BBOF1: variants seen among roughly 807,000 people sequenced by gnomAD.
The protein encoded by BBOF1 is basal body orientation factor 1, also known as basal body-orientation factor 1.
In BBOF1, 62 loss-of-function variants were observed where a neutral mutation model predicts 68.0. The ratio of observed to expected loss-of-function variants is 0.91; its 90% CI spans 0.74 to 1.13. The LOEUF is 1.13. Among genes scored for constraint, BBOF1 ranks in the 50% most tolerant of loss-of-function variants. BBOF1 has a pLI of 0.00. For missense variants in BBOF1, 534 were observed against 600.1 expected (o/e 0.89, Z 1.15); for synonymous variants, 208 against 198.8 (o/e 1.05, Z -0.39).
intron 3 of BBOF1, among the ~76,000 whole-genome samples, chr14:74,033,533 A>G (rs1204506090): frequency 2.6e-5 from 4 of 151,952 alleles, no homozygotes; most frequent in Admixed American, 6.6e-5. Context: ...TCACGCCACT[A>G]CACTCCAGCC....
At chr14:74,056,380 T>G (rs543422247) in intron 9 of BBOF1, among the ~76,000 whole-genome samples, 2 of 151,892 alleles carry the variant, frequency 1.3e-5, no homozygotes, top group South Asian at 4.2e-4. Context: ...TGTATTTTTT[T>G]GTAGAGATGG....
chr14:74,055,106 T>C lies in BBOF1; in HGVS notation c.1287-478T>C, dbSNP rs147409089. ...AGTATATTGTTGTCCTTATCAACTT[T>C]ATGATTTTGTGATGGATAGTTTGCT... On this transcript the variant is annotated intron_variant, in intron 8 of 11. Coordinates refer to ENST00000394009, the MANE Select transcript of BBOF1 (RefSeq NM_025057.3). The C allele has an allele frequency of 3.9e-3, 610 of 156,856 alleles. 5 individuals are homozygous for C. The highest frequency in any genetic ancestry group is 0.013 in the Middle Eastern group (4 of 310). 9.7% of individuals were successfully genotyped at this position (156,856 alleles called of 1,614,324 possible). A position where few individuals can be genotyped will look rare whatever the true frequency, so the allele number is the denominator to read the frequency against.
chr14:74,064,297 C>CA (rs368051564), intron 11 of BBOF1, among the ~76,000 whole-genome samples: 21,732 of 126,730 alleles, frequency 0.17, 2,338 homozygotes, highest in African/African-American at 0.3. Flanking sequence ...GACTGTGTCT[C>CA]AAAAAAAAAA....
intron 9 of BBOF1, chr14:74,072,253 T>C (rs779765203): frequency 1.2e-6 from 2 of 1,614,118 alleles, no homozygotes; most frequent in African/African-American, 2.7e-5. Flanking sequence ...TGCTGGCGGC[T>C]TAATACTGAA....
intron 10 of BBOF1, among the ~76,000 whole-genome samples, chr14:74,079,577 C>T (rs1270687927): frequency 6.6e-6 from 1 of 151,968 alleles, no homozygotes; most frequent in Non-Finnish European, 1.5e-5. Context: ...GGACTACAGG[C>T]GCCCGCCACC....
At chr14:74,037,580 A>G (rs2059736545) in intron 4 of BBOF1, among the ~76,000 whole-genome samples, 1 of 150,450 alleles carries the variant, frequency 6.6e-6, no homozygotes, top group African/African-American at 2.4e-5. Flanking sequence ...ATGAGCCACC[A>G]TGCCCAGCCA....
At position 74,040,591 on chromosome 14, in the gene BBOF1, G is replaced by A; in HGVS notation, c.522G>A (p.Glu174=). The A allele has an allele frequency of 6.3e-7, 1 of 1,593,826 alleles. No homozygotes were observed. Residue 174 remains glutamate, a synonymous_variant, in exon 5 of 12, where the codon GAG becomes GAA. Transcript: ENST00000394009. ...DDLKENLRNT[E]RIHQETLRRL... ...TGAAAGAGAATTTAAGAAACACAGA[G>A]CGGATACATCAGGAGACTCTTAGAA...
chr14:74,030,340 C>T (rs2059536433), intron 3 of BBOF1, among the ~76,000 whole-genome samples: 2 of 151,918 alleles, frequency 1.3e-5, no homozygotes, highest in African/African-American at 4.8e-5. Flanking sequence ...AGGCATACAC[C>T]ACCACACCTG....
chr14:74,033,058 G>A (rs2059613441), intron 3 of BBOF1, among the ~76,000 whole-genome samples: 1 of 151,124 alleles, frequency 6.6e-6, no homozygotes, highest in Non-Finnish European at 1.5e-5. Flanking sequence ...CTCTTTATTA[G>A]GGATATTTAC....
At chr14:74,028,509 C>T (rs202073645) in intron 2 of BBOF1, among the ~76,000 whole-genome samples, 3,260 of 95,982 alleles carry the variant, frequency 0.034, 81 homozygotes, top group South Asian at 0.14. Context: ...CACACACACA[C>T]ACAAATAGAG....
At position 74,056,735 on chromosome 14, in the gene BBOF1, T is replaced by C; in HGVS notation, c.1389-171T>C. 6 of 579,800 alleles carry C rather than the reference T, an allele frequency of 1.0e-5. No homozygotes were observed. The South Asian group carries it at 1.3e-4, about 12-fold the overall frequency. 35.9% of individuals were successfully genotyped at this position (579,800 alleles called of 1,614,324 possible). ...TACTTCATTCTCTATGATGTGATTATTTCACATTGCATGCCTGTATCAAAA... is the reference window on the plus strand; with the variant it reads ...TACTTCATTCTCTATGATGTGATTACTTCACATTGCATGCCTGTATCAAAA... On this transcript the variant is annotated intron_variant, in intron 9 of 11. Coordinates refer to ENST00000394009, the MANE Select transcript of BBOF1 (RefSeq NM_025057.3).
chr14:74,056,034 A>ATT (rs202158412), intron 9 of BBOF1, among the ~76,000 whole-genome samples: 1 of 144,238 alleles, frequency 6.9e-6, no homozygotes, highest in Non-Finnish European at 1.5e-5. Flanking sequence ...AAAGATAAGT[A>ATT]TTTTTTTTTT....
chr14:74,025,556 T>A (rs1379260814), intron 2 of BBOF1, among the ~76,000 whole-genome samples: 2 of 152,194 alleles, frequency 1.3e-5, no homozygotes, highest in Admixed American at 6.6e-5. Flanking sequence ...AATTAGGAGA[T>A]TCCCCTTAAG....
chr14:74,043,722 AG>A (rs2059885685), intron 5 of BBOF1, among the ~76,000 whole-genome samples: 1 of 150,370 alleles, frequency 6.7e-6, no homozygotes, highest in Non-Finnish European at 1.5e-5. Flanking sequence ...TAGTAGAGAC[AG>A]GGTTTCACCA....
intron 12 of BBOF1, among the ~76,000 whole-genome samples, chr14:74,082,636 G>A (rs2139824483): frequency 6.6e-6 from 1 of 152,168 alleles, no homozygotes; most frequent in African/African-American, 2.4e-5. Flanking sequence ...CTGACCTCAG[G>A]TGATCCACCC....
intron 3 of BBOF1, among the ~76,000 whole-genome samples, chr14:74,031,499 T>C (rs147723378): frequency 6.6e-6 from 1 of 152,158 alleles, no homozygotes; most frequent in South Asian, 2.1e-4. Context: ...CAGGCTATTA[T>C]GACAGAATAC....
chr14:74,057,055 T>C, intron 10 of BBOF1, 75 bp downstream of exon 10: 1 of 1,592,020 alleles, frequency 6.3e-7, no homozygotes, highest in Non-Finnish European at 8.6e-7. Flanking sequence ...AATGTGCTAA[T>C]TGAAAGTAAT....
At chr14:74,069,006 C>T, downstream of BBOF1, 8 of 1,611,464 alleles carry the variant, frequency 5.0e-6, no homozygotes, top group African/African-American at 4.0e-5. Context: ...TAAATGATCA[C>T]TCACAAAGGA....
intron 7 of BBOF1, 36 bp from the exon 8 acceptor site, chr14:74,049,666 G>C: frequency 7.1e-7 from 1 of 1,414,120 alleles, no homozygotes; most frequent in Non-Finnish European, 9.4e-7. Flanking sequence ...CATCTCAAAA[G>C]AAAAAAAAAA....
Sources: gnomAD v4.1 joint callset for allele counts (sites outside exome capture counted in the v4.1 genomes callset) on GRCh38, gnomAD v4.1.1 for gene constraint, MANE v1.5 for transcripts, NCBI Gene and HGNC (gene_info 2026-07-23, HGNC 2026-07-21) for gene names.